ABCG5: variants seen among roughly 807,000 people sequenced by gnomAD.
ABCG5 encodes the protein ATP-binding cassette sub-family G member 5.
ABCG5 carries 64 observed loss-of-function variants against 64.5 expected under a neutral mutation model. The ratio of observed to expected loss-of-function variants is 0.99; its 90% CI spans 0.81 to 1.22. The LOEUF is 1.22. Ranked by LOEUF, ABCG5 falls within the 50% of genes most tolerant of loss-of-function variation. The probability of loss-of-function intolerance (pLI) is 0.00; values close to 1 mark genes in which losing one functional copy is unlikely to be tolerated. For missense variants in ABCG5, 908 were observed against 829.5 expected, an observed-to-expected ratio of 1.09 and a Z score of -1.16; for synonymous variants, 385 against 326.3, an observed-to-expected ratio of 1.18 and a Z score of -1.94.
chr2:43,820,656 C>G (rs1667132264), intron 10 of ABCG5, among the ~76,000 whole-genome samples: 1 of 151,968 alleles, frequency 6.6e-6, no homozygotes, highest in Admixed American at 6.6e-5. Flanking sequence ...CTGATTTGAC[C>G]TTCGTTTTCT....
intron 11 of ABCG5, among the ~76,000 whole-genome samples, chr2:43,815,394 G>C (rs1472876220): frequency 6.6e-6 from 1 of 152,136 alleles, no homozygotes. Context: ...TGGAGATATA[G>C]AATATATCCT....
chr2:43,822,402 T>C (rs146208011), intron 10 of ABCG5: 26 of 498,576 alleles, frequency 5.2e-5, no homozygotes, highest in Admixed American at 3.2e-4. Context: ...CCTCTGTTGG[T>C]TGCTGTCCTC....
chr2:43,815,598 C>T (rs1053634037), intron 11 of ABCG5, among the ~76,000 whole-genome samples: 12 of 152,162 alleles, frequency 7.9e-5, no homozygotes, highest in East Asian at 1.9e-4. Context: ...GAAAAGGATA[C>T]GTGGGACTCT....
At chr2:43,829,373 C>G (rs1667829768) in intron 4 of ABCG5, among the ~76,000 whole-genome samples, 1 of 152,170 alleles carries the variant, frequency 6.6e-6, no homozygotes, top group Non-Finnish European at 1.5e-5. Flanking sequence ...ACTTGAATTT[C>G]TTTAAGGACT....
At chr2:43,808,964 T>TACACACAC (rs56090427), downstream of ABCG5, among the ~76,000 whole-genome samples, 141 of 145,574 alleles carry the variant, frequency 9.7e-4, no homozygotes, top group African/African-American at 3.2e-3. Context: ...GGACAAAGGA[T>TACACACAC]ACACACACAC....
At chr2:43,818,218 G>A (rs558613575) in intron 11 of ABCG5, among the ~76,000 whole-genome samples, 10 of 152,242 alleles carry the variant, frequency 6.6e-5, no homozygotes, top group Middle Eastern at 3.4e-3. Flanking sequence ...TTGGGAGGCC[G>A]AGGTGGGCGA....
At chr2:43,815,440 T>G (rs1204333485) in intron 11 of ABCG5, among the ~76,000 whole-genome samples, 1 of 152,224 alleles carries the variant, frequency 6.6e-6, no homozygotes, top group Admixed American at 6.5e-5. Flanking sequence ...GAACTATTTG[T>G]GCCAAGAAAG....
In ABCG5 at chr2:43,838,705, A is replaced by G; in HGVS notation, c.-26T>C. The G allele has an allele frequency of 6.2e-7, 1 of 1,612,398 alleles. No homozygotes were observed. The highest frequency in any genetic ancestry group is 8.5e-7 in the Non-Finnish European group (1 of 1,179,476). The stretch of plus-strand genomic sequence containing the variant: ...GGCCAACAGGCAGCAAAGCTGGGCA[A>G]ATTTTCTGGTGGCCGGACCCTCCCC... On this transcript the variant is annotated 5_prime_UTR_variant, in exon 1 of 13. Coordinates refer to ENST00000405322, the MANE Select transcript of ABCG5 (RefSeq NM_022436.3). The surrounding 1 kb of genome is among the most constrained non-coding windows in gnomAD (Gnocchi z 4.2).
rs756979506 is a variant in ABCG5 at position 43,828,110 on chromosome 2, C to G, written c.507G>C (p.Glu169Asp). 1.9e-6 allele frequency: 3 copies of G among 1,614,026 alleles called. No homozygotes were observed. The South Asian group carries it at 3.3e-5, about 18-fold the overall frequency. ...TCAGACTCAGCTCTGCCATGACGGC[C>G]TCCACCTGCAGGAGACACAAATTAC... is the stretch of plus-strand genomic sequence containing the variant. The part of the protein sequence containing the change: ...GNPGSFQKKV[E>D]AVMAELSLSH... Residue 169 changes from glutamate (E) to aspartate (D), a missense_variant, in exon 5 of 13, where the codon GAG (glutamate) becomes GAC (aspartate). Transcript: ENST00000405322.
chr2:43,825,132 G>C, intron 6 of ABCG5, 114 bp from the exon 7 acceptor site: 1 of 1,294,678 alleles, frequency 7.7e-7, no homozygotes, highest in South Asian at 1.3e-5. Context: ...TGGTCACCAA[G>C]TCCTTATGGG....
At chr2:43,827,659 G>T (rs1275913856) in intron 5 of ABCG5, among the ~76,000 whole-genome samples, 1 of 152,118 alleles carries the variant, frequency 6.6e-6, no homozygotes, top group South Asian at 2.1e-4. Flanking sequence ...GCTTTCCCCA[G>T]CCCACACAGT....
At chr2:43,823,022 C>G in intron 9 of ABCG5, 87 bp from the exon 10 acceptor site, 1 of 1,562,328 alleles carries the variant, frequency 6.4e-7, no homozygotes, top group Non-Finnish European at 8.7e-7. Context: ...TGAGGTCTGT[C>G]AGGGCTGGAT....
intron 7 of ABCG5, 68 bp downstream of exon 7, chr2:43,824,821 C>T (rs1667486935): frequency 6.3e-7 from 1 of 1,592,212 alleles, no homozygotes; most frequent in African/African-American, 1.3e-5. Context: ...TGGTGTCATC[C>T]AGGCAGAAGT....
downstream of ABCG5, chr2:43,809,978 A>T (rs913767574): frequency 1.7e-5 from 21 of 1,247,814 alleles, no homozygotes; most frequent in Middle Eastern, 3.0e-4. Context: ...AATTTTTTTT[A>T]AAATAAAAGA....
At chr2:43,816,636 C>G (rs1183954488) in intron 11 of ABCG5, among the ~76,000 whole-genome samples, 1 of 152,148 alleles carries the variant, frequency 6.6e-6, no homozygotes, top group Non-Finnish European at 1.5e-5. Context: ...CTCCGCCTCC[C>G]AGGTTCAGGT....
chr2:43,808,583 G>A (rs1300945391), downstream of ABCG5, among the ~76,000 whole-genome samples: 1 of 152,156 alleles, frequency 6.6e-6, no homozygotes, highest in Non-Finnish European at 1.5e-5. Context: ...CATGTCAGTT[G>A]CCTTGTGCAG....
Position 43,838,810 on chromosome 2 carries a change from A to T in ABCG5, c.-131T>A, listed in dbSNP as rs115642007. On this transcript the variant is annotated 5_prime_UTR_variant, in exon 1 of 13. Transcript: ENST00000405322. The surrounding 1 kb of genome is among the most constrained non-coding windows in gnomAD (Gnocchi z 4.2). The stretch of plus-strand genomic sequence containing the variant: ...CCCCGGAGTCCCTTGGGACAGCAGG[A>T]CTGGGACTTGGCCACGGAGACCATT... 2 of 1,518,796 alleles carry T rather than the reference A, an allele frequency of 1.3e-6. No individual in the cohort carries two copies. Among genetic ancestry groups the T allele is most frequent in the African/African-American group, 2.8e-5 (2 of 72,324 alleles). The allele number at this position is 1,518,796 out of a possible 1,614,324, so 94.1% of individuals were successfully genotyped here. A position where few individuals can be genotyped will look rare whatever the true frequency, so the allele number is the denominator to read the frequency against.
intron 2 of ABCG5, 21 bp from the exon 3 acceptor site, chr2:43,832,104 G>A (rs1667988022): frequency 3.2e-6 from 5 of 1,569,686 alleles, no homozygotes; most frequent in South Asian, 2.3e-5. Flanking sequence ...ACAACAGAAG[G>A]CCCTAGAGGA....
chr2:43,810,470 T>C, downstream of ABCG5: 2 of 985,436 alleles, frequency 2.0e-6, no homozygotes, highest in Non-Finnish European at 2.4e-6. Flanking sequence ...GGATAGCCTT[T>C]AAGAAGCCAT....
Sources: allele counts gnomAD v4.1 joint callset (sites outside exome capture counted in the v4.1 genomes callset), GRCh38; gene constraint gnomAD v4.1.1; non-coding constraint Gnocchi (gnomAD v3.1); transcripts MANE v1.5; gene names NCBI Gene and HGNC (gene_info 2026-07-23, HGNC 2026-07-21).